Variants in CRLF3 observed in about 807,000 individuals in gnomAD.
CRLF3 encodes cytokine receptor-like factor 3.
A neutral mutation model predicts 55.0 loss-of-function variants in CRLF3; 33 were observed. The observed-to-expected ratio is 0.60, with a 90% CI of 0.46 to 0.80. The LOEUF is 0.80. CRLF3 is among the 30% of genes least tolerant of loss of function. CRLF3 has a pLI of 0.00. For synonymous variants in CRLF3, 238 were observed against 196.8 expected, an observed-to-expected ratio of 1.21 and a Z score of -1.75; for missense variants, 494 against 538.4, an observed-to-expected ratio of 0.92 and a Z score of 0.82.
intron 1 of CRLF3, among the ~76,000 whole-genome samples, chr17:30,822,370 G>C (rs1905024802): frequency 6.6e-6 from 1 of 152,136 alleles, no homozygotes; most frequent in Admixed American, 6.6e-5. Context: ...CAATCCACTA[G>C]AGTTAGCTTC....
chr17:30,788,052 G>A (rs952068203), intron 6 of CRLF3, among the ~76,000 whole-genome samples: 1 of 151,794 alleles, frequency 6.6e-6, no homozygotes, highest in African/African-American at 2.4e-5. Flanking sequence ...AAATAGGCCG[G>A]GTGCAGTGGC....
intron 5 of CRLF3, among the ~76,000 whole-genome samples, chr17:30,793,246 T>C (rs1034860921): frequency 2.2e-5 from 3 of 139,370 alleles, no homozygotes; most frequent in Non-Finnish European, 4.5e-5. Flanking sequence ...AAAAATCTTG[T>C]CCAGCATTTT....
In CRLF3 at chr17:30,784,394, A is replaced by T. The variant is rs913631928; in HGVS notation, c.1122T>A (p.Val374=). The part of the protein sequence containing the change: ...GKEMTNQLPA[V]TSGSTVTFDI... ...CAAACGTGACAGTGGACCCAGAAGT[A>T]ACTGCGGGTAACTGATTTGTCATTT... is the stretch of plus-strand genomic sequence containing the variant. Residue 374 remains valine (V), a synonymous_variant, in exon 8 of 8, where the codon GTT becomes GTA. Transcript: ENST00000324238. 1 of 1,613,666 alleles carries T rather than the reference A, an allele frequency of 6.2e-7. No homozygotes were observed. Among genetic ancestry groups the T allele is most frequent in the African/African-American group, 1.3e-5 (1 of 74,946 alleles).
Position 30,804,017 on chromosome 17 carries a change from A to C in CRLF3, c.221T>G (p.Leu74Trp), listed in dbSNP as rs1972047645. Residue 74 changes from leucine (L) to tryptophan (W), a missense_variant, in exon 2 of 8, where the codon TTG becomes TGG. Transcript: ENST00000324238. ...GTCCACCTCTTGCAAAAGGGTCACC[A>C]ATCGCTCATCCAGGAGCTTTCCAAG... ...GTLGKLLDERLVTLLQEVDTI... is the reference protein window; with the variant it reads ...GTLGKLLDERWVTLLQEVDTI... 6.2e-7 allele frequency: 1 copy of C among 1,613,342 alleles called. No homozygotes were observed. The highest frequency in any genetic ancestry group is 1.7e-5 in the Admixed American group (1 of 59,998).
Position 30,824,672 on chromosome 17 carries a change from A to C in CRLF3, c.-21T>G. On this transcript the variant is annotated 5_prime_UTR_variant, in exon 1 of 8. Transcript: ENST00000324238. ...CTCATCTGGCCGCGCGGCCGGCGAA[A>C]CCTAGCGCGGGTTCCCGACTGCACC... 1 of 1,582,298 alleles carries C rather than the reference A, an allele frequency of 6.3e-7. No individual in the cohort carries two copies. Among genetic ancestry groups the C allele is most frequent in the South Asian group, 1.1e-5 (1 of 88,820 alleles).
chr17:30,794,294 A>C (rs1049673838), intron 4 of CRLF3, among the ~76,000 whole-genome samples: 1 of 152,152 alleles, frequency 6.6e-6, no homozygotes, highest in Admixed American at 6.6e-5. Flanking sequence ...CATAATAACC[A>C]AGAGATAATT....
intron 2 of CRLF3, among the ~76,000 whole-genome samples, chr17:30,799,442 T>G (rs980960929): frequency 8.5e-5 from 13 of 152,060 alleles, no homozygotes; most frequent in Admixed American, 2.0e-4. Flanking sequence ...CACTGCAACC[T>G]CAAACTCTGG....
chr17:30,794,890 A>G (rs548602847), intron 4 of CRLF3, among the ~76,000 whole-genome samples: 3 of 152,306 alleles, frequency 2.0e-5, no homozygotes, highest in African/African-American at 7.2e-5. Context: ...GGAATAACAG[A>G]AACTCATATA....
intron 1 of CRLF3, among the ~76,000 whole-genome samples, chr17:30,817,171 C>T (rs951477599): frequency 6.6e-6 from 1 of 152,172 alleles, no homozygotes; most frequent in African/African-American, 2.4e-5. Flanking sequence ...GGCACAGTGG[C>T]TCACGCTTGT....
In CRLF3 at chr17:30,784,174, A is replaced by G. The variant is rs200481377; in HGVS notation, c.*13T>C. ...CGTTAGACCCTGAAAACCAAAGCCA[A>G]GCACCCAAACATCTAAAACACTAAC... On this transcript the variant is annotated 3_prime_UTR_variant, in exon 8 of 8. Transcript: ENST00000324238. 1.2e-6 allele frequency: 2 copies of G among 1,607,496 alleles called. No individual in the cohort carries two copies. The highest frequency in any genetic ancestry group is 4.5e-5 in the East Asian group (2 of 44,826).
intron 2 of CRLF3, among the ~76,000 whole-genome samples, chr17:30,798,838 C>G (rs540535951): frequency 6.6e-6 from 1 of 151,790 alleles, no homozygotes; most frequent in East Asian, 1.9e-4. Flanking sequence ...GACTCTGTCT[C>G]AAAAATAAGT....
At chr17:30,807,517 CTTTTTTTTTTTTTT>C (rs778842582) in intron 1 of CRLF3, among the ~76,000 whole-genome samples, 108 of 62,978 alleles carry the variant, frequency 1.7e-3, no homozygotes, top group African/African-American at 3.6e-3. Flanking sequence ...ATTTTCTTTC[CTTTTTTTTTTTTTT>C]TTTTTTTTTT....
At chr17:30,824,414 C>A in intron 1 of CRLF3, 109 bp downstream of exon 1, 1 of 1,164,812 alleles carries the variant, frequency 8.6e-7, no homozygotes, top group South Asian at 1.7e-5. Flanking sequence ...TGCCTCTTCC[C>A]TACTCCAGAG....
chr17:30,797,343 A>G lies in CRLF3; in HGVS notation c.393T>C (p.Phe131=), dbSNP rs149320181. The change falls in exon 3 of 8, where the codon TTT becomes TTC. Residue 131 remains phenylalanine, a synonymous_variant. Transcript: ENST00000324238. ...VGEENEKLWS[F]TKKASHIQLD... ...ACTGAATGTGCGAGGCCTTTTTGGT[A>G]AAGCTCCACAGTTTCTCATTCTCTT... is the stretch of plus-strand genomic sequence containing the variant. The G allele has an allele frequency of 6.7e-5, 108 of 1,613,958 alleles. No individual in the cohort carries two copies. In the African/African-American group the frequency reaches 1.2e-3, roughly 19 times the overall value.
At chr17:30,793,305 T>C in intron 5 of CRLF3, 145 bp downstream of exon 5, 1 of 608,754 alleles carries the variant, frequency 1.6e-6, no homozygotes, top group South Asian at 2.5e-5. Flanking sequence ...TGAGGTAATC[T>C]GAGTAAAAGA....
chr17:30,802,537 C>T (rs1972023992), intron 2 of CRLF3, among the ~76,000 whole-genome samples: 1 of 152,086 alleles, frequency 6.6e-6, no homozygotes, highest in Admixed American at 6.5e-5. Context: ...CTCAAGGGAT[C>T]CTCCCGCCTC....
At chr17:30,793,409 T>C in intron 5 of CRLF3, 41 bp downstream of exon 5, 1 of 1,486,106 alleles carries the variant, frequency 6.7e-7, no homozygotes, top group Non-Finnish European at 9.4e-7. Context: ...GGTATTCTAA[T>C]ATATAGTTAG....
chr17:30,793,550 G>A lies in CRLF3; in HGVS notation c.726C>T (p.Asn242=), dbSNP rs201612159. ...CGCAGACTCTGAACTGGTAATCAAC[G>A]TTGGGGTCTATGTGCAATACTATGA... ...TEFIVLHIDP[N]VDYQFRVCAR... is the part of the protein sequence containing the mutation. Residue 242 remains asparagine, a synonymous_variant, in exon 5 of 8, where the codon AAC becomes AAT. Coordinates refer to ENST00000324238, the MANE Select transcript of CRLF3 (RefSeq NM_015986.4). 5.4e-5 allele frequency: 87 copies of A among 1,614,106 alleles called. No homozygotes were observed. Among genetic ancestry groups the A allele is most frequent in the Non-Finnish European group, 6.4e-5 (76 of 1,180,002 alleles).
intron 2 of CRLF3, among the ~76,000 whole-genome samples, chr17:30,802,184 G>A (rs1400373146): frequency 1.3e-5 from 2 of 151,780 alleles, no homozygotes; most frequent in East Asian, 1.9e-4. Flanking sequence ...GTGCAGTGGT[G>A]CAATCTCGGC....
Sources: gnomAD v4.1 joint callset for allele counts (sites outside exome capture counted in the v4.1 genomes callset) on GRCh38, gnomAD v4.1.1 for gene constraint, MANE v1.5 for transcripts, NCBI Gene and HGNC (gene_info 2026-07-23, HGNC 2026-07-21) for gene names.